ZRANB3: variants seen among roughly 807,000 people sequenced by gnomAD.
The protein encoded by ZRANB3 is DNA annealing helicase and endonuclease ZRANB3.
ZRANB3 carries 125 observed loss-of-function variants against 133.8 expected under a neutral mutation model. That is an observed-to-expected ratio of 0.93 (90% CI 0.81 to 1.08). The LOEUF is 1.08. Ranked by LOEUF, ZRANB3 falls within the 50% of genes least tolerant of loss-of-function variation. The pLI, the probability that ZRANB3 is intolerant of heterozygous loss-of-function variation, is 0.00. For synonymous variants in ZRANB3, 387 were observed against 432.7 expected (o/e 0.89, Z 1.31); for missense variants, 1,229 against 1,275.5 (o/e 0.96, Z 0.56).
At chr2:135,511,977 C>G (rs1367031671) in intron 1 of ZRANB3, 16 of 707,066 alleles carry the variant, frequency 2.3e-5, no homozygotes, top group Non-Finnish European at 4.2e-5. Context: ...GGGAAAAAGT[C>G]AAATATGTCC....
rs567168715 is a variant in ZRANB3, at chr2:135,244,615, A to ATAAATAAAT, written c.1540-13697_1540-13689dup. Among the ~76,000 whole-genome samples the ATAAATAAAT allele has an allele frequency of 2.9e-3, 435 of 151,666 alleles. 3 individuals carry two copies. Among genetic ancestry groups the ATAAATAAAT allele is most frequent in the African/African-American group, 9.8e-3 (405 of 41,462 alleles). On this transcript the variant is annotated intron_variant, in intron 12 of 20. Coordinates refer to ENST00000264159, the MANE Select transcript of ZRANB3 (RefSeq NM_032143.4). ...AGAGCATACTCCATCTCAAAAATAA[A>ATAAATAAAT]TAAATAAATAAATAAATAAATAAAC...
At chr2:135,493,426 T>C (rs1429085471) in intron 2 of ZRANB3, among the ~76,000 whole-genome samples, 3 of 151,000 alleles carry the variant, frequency 2.0e-5, no homozygotes. Context: ...ATCTAGAATA[T>C]AAAAAGAACT....
rs371128765 is a variant in ZRANB3 at position 135,453,589 on chromosome 2, A to G, written c.161+50740T>C. On this transcript the variant is annotated intron_variant, in intron 2 of 20. Transcript: ENST00000264159. The stretch of plus-strand genomic sequence containing the variant: ...TCTCTCTCAAGTTCAAAGTTCCACA[A>G]ATCTCTAGGGCAGGGGCAAAGTGCC... Among the ~76,000 whole-genome samples the G allele has an allele frequency of 1.6e-4, 24 of 152,288 alleles. No individual in the cohort carries two copies. In the South Asian group the frequency reaches 4.8e-3, roughly 30 times the overall value.
At chr2:135,364,105 G>A (rs376832103) in intron 3 of ZRANB3, among the ~76,000 whole-genome samples, 2 of 151,358 alleles carry the variant, frequency 1.3e-5, no homozygotes, top group African/African-American at 4.9e-5. Context: ...AGGGCAGGAG[G>A]GAAGGAGGGA....
chr2:135,525,663 C>A (rs1475725508), intron 1 of ZRANB3, among the ~76,000 whole-genome samples: 3 of 152,092 alleles, frequency 2.0e-5, no homozygotes, highest in Non-Finnish European at 4.4e-5. Context: ...GCCTGGCCAA[C>A]ATGGCGAAAC....
At position 135,343,944 on chromosome 2, in the gene ZRANB3, C is replaced by T. The variant is rs533700297; in HGVS notation, c.677+1606G>A. ...TGGAAATATAAAAAGCTATACCTTC[C>T]GTGGAGTATGATTTGGAAAAATCTA... On this transcript the variant is annotated intron_variant, in intron 6 of 20. Coordinates refer to ENST00000264159, the MANE Select transcript of ZRANB3 (RefSeq NM_032143.4). Among the ~76,000 whole-genome samples the T allele has an allele frequency of 2.4e-4, 34 of 139,744 alleles. 1 individual carries two copies. The highest frequency in any genetic ancestry group is 5.4e-4 in the Admixed American group (8 of 14,838). The allele number at this position is 139,744 out of a possible 152,430, so 91.7% of individuals were successfully genotyped here.
rs1197768527 is a variant in ZRANB3, at chr2:135,341,791, TA to T, written c.677+3758del. Among the ~76,000 whole-genome samples, 6 of 150,242 alleles carry T rather than the reference TA, an allele frequency of 4.0e-5. No individual in the cohort carries two copies. In the South Asian group the frequency reaches 6.2e-4, roughly 16 times the overall value. On this transcript the variant is annotated intron_variant, in intron 6 of 20. Coordinates refer to ENST00000264159, the MANE Select transcript of ZRANB3 (RefSeq NM_032143.4). Reference sequence around the variant, plus strand: ...AGTGTCTGCCTTATGCAGTTGTAGATAGGGATGAAACACGCCCTGGTCTCCT... The same window carrying T: ...AGTGTCTGCCTTATGCAGTTGTAGATGGGATGAAACACGCCCTGGTCTCCT...
At chr2:135,227,451 A>G (rs1694798293) in intron 14 of ZRANB3, among the ~76,000 whole-genome samples, 2 of 152,240 alleles carry the variant, frequency 1.3e-5, no homozygotes, top group Admixed American at 1.3e-4. Context: ...TGATATGCTA[A>G]GTGTTAGTTA....
chr2:135,405,997 AC>A (rs1688003936), intron 2 of ZRANB3, among the ~76,000 whole-genome samples: 2 of 152,138 alleles, frequency 1.3e-5, no homozygotes, highest in South Asian at 2.1e-4. Flanking sequence ...ACATAGACAC[AC>A]AAAAAACCCT....
At chr2:135,386,497 T>C (rs1224084777) in intron 3 of ZRANB3, among the ~76,000 whole-genome samples, 2 of 152,214 alleles carry the variant, frequency 1.3e-5, no homozygotes, top group African/African-American at 4.8e-5. Flanking sequence ...ACTGGGTATA[T>C]ACCCAAAGGA....
At chr2:135,444,802 T>C (rs1197342643) in intron 2 of ZRANB3, among the ~76,000 whole-genome samples, 1 of 152,204 alleles carries the variant, frequency 6.6e-6, no homozygotes, top group Non-Finnish European at 1.5e-5. Flanking sequence ...ATTTTTTATA[T>C]GTAGATTATA....
chr2:135,431,961 A>T (rs1203996461), intron 2 of ZRANB3, among the ~76,000 whole-genome samples: 1 of 151,878 alleles, frequency 6.6e-6, no homozygotes, highest in Non-Finnish European at 1.5e-5. Context: ...AAAATTGTTT[A>T]AAAAAAAGGC....
intron 12 of ZRANB3, among the ~76,000 whole-genome samples, chr2:135,262,305 T>C (rs954401543): frequency 6.6e-6 from 1 of 152,012 alleles, no homozygotes; most frequent in African/African-American, 2.4e-5. Flanking sequence ...ATAAGATAAT[T>C]AAAAATTTAA....
rs1175766098 is a variant in ZRANB3 at position 135,199,288 on chromosome 2, T to G, written c.*1054A>C. On this transcript the variant is annotated 3_prime_UTR_variant, in exon 21 of 21. Coordinates refer to ENST00000264159, the MANE Select transcript of ZRANB3 (RefSeq NM_032143.4). ...AAGTGTATTTTGATAGTACGCTTAG[T>G]TTTTTTTTTTGTTTGTTTGTTTGTT... 1 of 142,434 alleles carries G rather than the reference T, an allele frequency of 7.0e-6. No homozygotes were observed. Among genetic ancestry groups the G allele is most frequent in the Non-Finnish European group, 1.6e-5 (1 of 63,336 alleles). 8.8% of individuals were successfully genotyped at this position (142,434 alleles called of 1,614,324 possible).
chr2:135,214,680 ATGTGTGCG>A (rs752179938), intron 17 of ZRANB3, among the ~76,000 whole-genome samples: 2 of 152,184 alleles, frequency 1.3e-5, no homozygotes, highest in Non-Finnish European at 2.9e-5. Flanking sequence ...TTTTTGATAT[ATGTGTGCG>A]TGTGTGCACT....
chr2:135,360,707 A>AAAAAT (rs1300966140), intron 3 of ZRANB3, among the ~76,000 whole-genome samples: 83 of 152,312 alleles, frequency 5.4e-4, no homozygotes, highest in Admixed American at 1.2e-3. Flanking sequence ...TCCGTCTCAA[A>AAAAAT]AAAATAAAAT....
At chr2:135,427,375 C>G (rs1419969026) in intron 2 of ZRANB3, among the ~76,000 whole-genome samples, 1 of 152,090 alleles carries the variant, frequency 6.6e-6, no homozygotes, top group Non-Finnish European at 1.5e-5. Context: ...CCACAGGATA[C>G]AAAATCAATG....
intron 2 of ZRANB3, among the ~76,000 whole-genome samples, chr2:135,485,597 T>C (rs1307866943): frequency 6.6e-6 from 1 of 152,204 alleles, no homozygotes; most frequent in Non-Finnish European, 1.5e-5. Context: ...TTAATCTTTA[T>C]AGTTGGTCAC....
intron 3 of ZRANB3, 98 bp downstream of exon 3, chr2:135,390,704 C>T: frequency 6.8e-7 from 1 of 1,476,866 alleles, no homozygotes; most frequent in East Asian, 2.6e-5. Flanking sequence ...CATATACAGA[C>T]ATATAGTCAT....
Sources: gnomAD v4.1 joint callset for allele counts (sites outside exome capture counted in the v4.1 genomes callset) on GRCh38, gnomAD v4.1.1 for gene constraint, MANE v1.5 for transcripts, NCBI Gene and HGNC (gene_info 2026-07-23, HGNC 2026-07-21) for gene names.